SPAST: variants seen among roughly 807,000 people sequenced by gnomAD.
SPAST encodes the protein spastin, also known as spastic paraplegia 4 (autosomal dominant; spastin).
SPAST carries 30 observed loss-of-function variants against 76.6 expected under a neutral mutation model. The ratio of observed to expected loss-of-function variants is 0.39; its 90% CI spans 0.29 to 0.53. SPAST has a LOEUF of 0.53. Among genes scored for constraint, SPAST ranks in the 20% least tolerant of loss-of-function variants. SPAST has a pLI of 0.68. For missense variants in SPAST, 717 were observed against 770.5 expected (o/e 0.93, Z 0.82); for synonymous variants, 305 against 281.0 (o/e 1.09, Z -0.86).
intron 16 of SPAST, among the ~76,000 whole-genome samples, chr2:32,152,457 C>T (rs866559269): frequency 6.6e-5 from 10 of 151,984 alleles, no homozygotes; most frequent in Admixed American, 5.9e-4. Flanking sequence ...ATAGTCCTAG[C>T]TACTTGGGAG....
At chr2:32,136,472 A>G in intron 9 of SPAST, 91 bp from the exon 10 acceptor site, 1 of 975,284 alleles carries the variant, frequency 1.0e-6, no homozygotes, top group Non-Finnish European at 1.7e-6. Flanking sequence ...AGGGAAATTA[A>G]ATTCCTGTGT....
intron 15 of SPAST, 39 bp downstream of exon 15, chr2:32,145,046 T>G: frequency 7.0e-7 from 1 of 1,432,176 alleles, no homozygotes; most frequent in Non-Finnish European, 9.8e-7. Context: ...GAACTATTTA[T>G]TATACCACCT....
intron 5 of SPAST, among the ~76,000 whole-genome samples, chr2:32,115,384 A>G (rs376989438): frequency 3.3e-5 from 5 of 152,256 alleles, no homozygotes; most frequent in East Asian, 3.9e-4. Context: ...TATTTTTAAA[A>G]TTATTTCAAT....
At chr2:32,081,886 ACCAT>A (rs1677245253) in intron 1 of SPAST, among the ~76,000 whole-genome samples, 1 of 150,612 alleles carries the variant, frequency 6.6e-6, no homozygotes, top group Non-Finnish European at 1.5e-5. Flanking sequence ...TAAAATAATA[ACCAT>A]CCTAATGGGC....
In SPAST at chr2:32,115,734, T is replaced by G; in HGVS notation, c.903T>G (p.Pro301=). Residue 301 remains proline (P), a synonymous_variant, in exon 6 of 17, where the codon CCT becomes CCG. Coordinates refer to ENST00000315285, the MANE Select transcript of SPAST (RefSeq NM_014946.4). ...GTPKTNRTNK[P]STPTTATRKK... ...CGAAAACAAATAGGACAAATAAACC[T>G]TCTACCCCTACAACTGCTACTCGTA... is the stretch of plus-strand genomic sequence containing the variant. 2 of 1,611,316 alleles carry G rather than the reference T, an allele frequency of 1.2e-6. No individual in the cohort carries two copies. The highest frequency in any genetic ancestry group is 1.7e-6 in the Non-Finnish European group (2 of 1,177,860).
At chr2:32,150,239 ATTTTTTTTTT>A (rs11363493) in intron 16 of SPAST, among the ~76,000 whole-genome samples, 7 of 66,568 alleles carry the variant, frequency 1.1e-4, no homozygotes, top group Admixed American at 2.2e-4. Context: ...CGCCCAGCTA[ATTTTTTTTTT>A]TTTTTTTTTT....
At chr2:32,082,254 A>G (rs1186241656) in intron 1 of SPAST, among the ~76,000 whole-genome samples, 1 of 150,920 alleles carries the variant, frequency 6.6e-6, no homozygotes, top group African/African-American at 2.4e-5. Flanking sequence ...CAGCCTTCCA[A>G]AGTGCTGGGA....
At chr2:32,110,645 GTA>G (rs1303289476) in intron 4 of SPAST, among the ~76,000 whole-genome samples, 2 of 133,680 alleles carry the variant, frequency 1.5e-5, no homozygotes, top group Non-Finnish European at 3.1e-5. Flanking sequence ...AGTATATATA[GTA>G]TATATAGTAT....
chr2:32,067,822 A>G (rs1379788798), intron 1 of SPAST, among the ~76,000 whole-genome samples: 1 of 150,068 alleles, frequency 6.7e-6, no homozygotes, highest in Non-Finnish European at 1.5e-5. Context: ...AATTTCAACA[A>G]TATTTTGAAC....
At chr2:32,120,018 C>G (rs1305699348) in intron 7 of SPAST, among the ~76,000 whole-genome samples, 1 of 149,734 alleles carries the variant, frequency 6.7e-6, no homozygotes, top group Non-Finnish European at 1.5e-5. Context: ...CCATGAATTT[C>G]TTTCTTTCTT....
At chr2:32,142,615 G>C (rs982020083) in intron 13 of SPAST, among the ~76,000 whole-genome samples, 1 of 151,914 alleles carries the variant, frequency 6.6e-6, no homozygotes, top group Admixed American at 6.6e-5. Context: ...GGGTTTCACT[G>C]TGTTAGCCAG....
chr2:32,153,905 T>C (rs1458417441), intron 16 of SPAST, among the ~76,000 whole-genome samples: 1 of 152,008 alleles, frequency 6.6e-6, no homozygotes, highest in Non-Finnish European at 1.5e-5. Flanking sequence ...GGCGAAACCC[T>C]GTCTCTACTA....
At chr2:32,135,646 ATC>A (rs1553318044) in intron 9 of SPAST, among the ~76,000 whole-genome samples, 1 of 151,788 alleles carries the variant, frequency 6.6e-6, no homozygotes, top group Non-Finnish European at 1.5e-5. Context: ...CTTCTGGACT[ATC>A]TGGAAATATT....
At chr2:32,094,684 A>G (rs1677855033) in intron 3 of SPAST, among the ~76,000 whole-genome samples, 2 of 152,168 alleles carry the variant, frequency 1.3e-5, no homozygotes, top group South Asian at 4.1e-4. Flanking sequence ...ATTTTTAAGA[A>G]AGCAGCCCAG....
chr2:32,131,712 GA>G (rs1357267043), intron 9 of SPAST, among the ~76,000 whole-genome samples: 20 of 135,038 alleles, frequency 1.5e-4, no homozygotes, highest in Non-Finnish European at 2.9e-4. Context: ...TCTTGCTCTG[GA>G]GTGCAGTGGC....
At chr2:32,151,767 G>A (rs983518665) in intron 16 of SPAST, among the ~76,000 whole-genome samples, 1 of 151,976 alleles carries the variant, frequency 6.6e-6, no homozygotes. Flanking sequence ...AAAATTAGCC[G>A]GGCGTGGTGG....
At chr2:32,070,615 G>A (rs907744078) in intron 1 of SPAST, among the ~76,000 whole-genome samples, 5 of 152,148 alleles carry the variant, frequency 3.3e-5, no homozygotes, top group Non-Finnish European at 5.9e-5. Context: ...TAACAAATAT[G>A]TGTACATACG....
intron 1 of SPAST, among the ~76,000 whole-genome samples, chr2:32,072,109 C>T (rs1676773840): frequency 6.6e-6 from 1 of 152,166 alleles, no homozygotes; most frequent in South Asian, 2.1e-4. Flanking sequence ...GTGGCATGAT[C>T]TCGGCTCACT....
rs982114159 is a variant in SPAST, at chr2:32,157,283, C to T, written c.*2787C>T. 8 of 152,662 alleles carry T rather than the reference C, an allele frequency of 5.2e-5. No individual in the cohort carries two copies. The highest frequency in any genetic ancestry group is 3.4e-3 in the Middle Eastern group (1 of 294). 9.5% of individuals were successfully genotyped at this position (152,662 alleles called of 1,614,324 possible). On this transcript the variant is annotated 3_prime_UTR_variant, in exon 17 of 17. Transcript: ENST00000315285. ...TTTCCAGATATCTTAAGGGTAAAAG[C>T]TTATTCTAAGACAGTCTGTCCATTG...
Sources: allele counts gnomAD v4.1 joint callset (sites outside exome capture counted in the v4.1 genomes callset), GRCh38; gene constraint gnomAD v4.1.1; transcripts MANE v1.5; gene names NCBI Gene and HGNC (gene_info 2026-07-23, HGNC 2026-07-21).